SCAPER: variants seen among roughly 807,000 people sequenced by gnomAD.
SCAPER encodes the protein S phase cyclin A-associated protein in the endoplasmic reticulum.
A neutral mutation model predicts 182.2 loss-of-function variants in SCAPER; 98 were observed. The observed-to-expected ratio is 0.54, with a 90% CI of 0.46 to 0.64. The LOEUF is 0.64. SCAPER is among the 30% of genes least tolerant of loss of function. The pLI is 0.00. For missense variants in SCAPER, 1,432 were observed against 1,690.0 expected (o/e 0.85, Z 2.68); for synonymous variants, 605 against 564.6 (o/e 1.07, Z -1.01).
chr15:76,751,666 G>A (rs1278533156), intron 15 of SCAPER, among the ~76,000 whole-genome samples: 4 of 151,558 alleles, frequency 2.6e-5, no homozygotes, highest in South Asian at 2.1e-4. Flanking sequence ...GGGAAAACTC[G>A]ACAGCCACAT....
At chr15:76,871,548 G>A (rs1018266797) in intron 2 of SCAPER, among the ~76,000 whole-genome samples, 1 of 151,188 alleles carries the variant, frequency 6.6e-6, no homozygotes, top group Non-Finnish European at 1.5e-5. Flanking sequence ...AGGAGCTGCG[G>A]CTGGCGTTAT....
chr15:76,459,422 T>C (rs2048983725), intron 25 of SCAPER, among the ~76,000 whole-genome samples: 1 of 152,166 alleles, frequency 6.6e-6, no homozygotes, highest in South Asian at 2.1e-4. Context: ...GTGATTTTGA[T>C]TTGCATTCTC....
At position 76,807,514 on chromosome 15, in the gene SCAPER, AT is replaced by A. The variant is rs567528943; in HGVS notation, c.394-2882del. 2.9e-3 allele frequency among the ~76,000 whole-genome samples: 434 copies of A among 151,752 alleles called. 3 individuals carry two copies. The highest frequency in any genetic ancestry group is 0.015 in the South Asian group (73 of 4,806). ...AAATATTGCTTAACTAACATTATTT[AT>A]TTTTTTTATTTTTTATTTTTTACTT... On this transcript the variant is annotated intron_variant, in intron 5 of 31. Coordinates refer to ENST00000563290, the MANE Select transcript of SCAPER (RefSeq NM_020843.4).
intron 25 of SCAPER, among the ~76,000 whole-genome samples, chr15:76,444,162 T>C (rs2142733005): frequency 6.6e-6 from 1 of 152,344 alleles, no homozygotes; most frequent in East Asian, 1.9e-4. Context: ...AGAGTTTTGA[T>C]GGGAAATCAT....
intron 23 of SCAPER, among the ~76,000 whole-genome samples, chr15:76,515,032 A>C (rs954582219): frequency 3.9e-5 from 6 of 152,220 alleles, no homozygotes; most frequent in African/African-American, 1.4e-4. Flanking sequence ...GGGGTCAAGG[A>C]TGTTACAAGA....
At chr15:76,799,825 T>C (rs1395937551) in intron 7 of SCAPER, among the ~76,000 whole-genome samples, 6 of 152,128 alleles carry the variant, frequency 3.9e-5, no homozygotes, top group African/African-American at 1.2e-4. Context: ...TGGTAATAAA[T>C]GGAGCTCACA....
intron 15 of SCAPER, among the ~76,000 whole-genome samples, chr15:76,746,887 T>C (rs1251923308): frequency 6.6e-6 from 1 of 152,100 alleles, no homozygotes; most frequent in Non-Finnish European, 1.5e-5. Flanking sequence ...AGAAGGAAAT[T>C]CCACGTTCAT....
intron 27 of SCAPER, among the ~76,000 whole-genome samples, chr15:76,390,423 A>G (rs747674511): frequency 2.0e-5 from 3 of 152,218 alleles, no homozygotes; most frequent in Non-Finnish European, 4.4e-5. Flanking sequence ...GCCACTAAGA[A>G]GAAGAAACTC....
intron 23 of SCAPER, among the ~76,000 whole-genome samples, chr15:76,572,781 AG>A (rs1478772691): frequency 6.6e-6 from 1 of 152,138 alleles, no homozygotes; most frequent in Non-Finnish European, 1.5e-5. Flanking sequence ...CAAGTTCTCT[AG>A]GCAATTCCGA....
chr15:76,755,580 T>C (rs2062372364), intron 14 of SCAPER, among the ~76,000 whole-genome samples: 1 of 152,210 alleles, frequency 6.6e-6, no homozygotes, highest in South Asian at 2.1e-4. Flanking sequence ...GTACTTGTAG[T>C]ATGGAGCCTC....
intron 17 of SCAPER, among the ~76,000 whole-genome samples, chr15:76,722,413 C>T (rs917821460): frequency 1.8e-4 from 27 of 152,266 alleles, no homozygotes; most frequent in African/African-American, 5.8e-4. Context: ...CTCTCCTAGG[C>T]TTTGGTATCA....
intron 23 of SCAPER, among the ~76,000 whole-genome samples, chr15:76,561,484 A>T (rs544506930): frequency 3.3e-5 from 5 of 151,842 alleles, no homozygotes; most frequent in South Asian, 2.1e-4. Flanking sequence ...GATTATAAAA[A>T]TTTTTTTTTA....
chr15:76,786,954 A>G (rs1490961729), intron 8 of SCAPER, among the ~76,000 whole-genome samples: 2 of 152,226 alleles, frequency 1.3e-5, no homozygotes, highest in South Asian at 2.1e-4. Flanking sequence ...CTTGAAAATT[A>G]TAAAATGCTG....
At chr15:76,849,974 G>A (rs2070559189) in intron 4 of SCAPER, among the ~76,000 whole-genome samples, 1 of 152,118 alleles carries the variant, frequency 6.6e-6, no homozygotes, top group African/African-American at 2.4e-5. Context: ...TAGGTCTCAT[G>A]AGACTCACTC....
intron 23 of SCAPER, among the ~76,000 whole-genome samples, chr15:76,550,330 T>A (rs2144926581): frequency 6.6e-6 from 1 of 152,338 alleles, no homozygotes; most frequent in African/African-American, 2.4e-5. Flanking sequence ...ATTAGCTATT[T>A]ATCCTGATGC....
chr15:76,699,699 A>T (rs987453619), intron 20 of SCAPER, among the ~76,000 whole-genome samples: 1 of 152,138 alleles, frequency 6.6e-6, no homozygotes, highest in Non-Finnish European at 1.5e-5. Flanking sequence ...GCTGCGCTGG[A>T]GTGGCTAAGG....
intron 4 of SCAPER, among the ~76,000 whole-genome samples, chr15:76,852,365 A>G (rs2070849675): frequency 6.6e-6 from 1 of 152,202 alleles, no homozygotes; most frequent in Non-Finnish European, 1.5e-5. Flanking sequence ...GAACTCTCCA[A>G]CCAAAAACAC....
chr15:76,609,323 C>G (rs924395248), intron 22 of SCAPER, among the ~76,000 whole-genome samples: 1 of 132,914 alleles, frequency 7.5e-6, no homozygotes, highest in African/African-American at 2.8e-5. Context: ...GATCTTTTCT[C>G]TTAAAAAAAA....
intron 23 of SCAPER, among the ~76,000 whole-genome samples, chr15:76,519,131 C>T (rs989048466): frequency 6.6e-6 from 1 of 152,142 alleles, no homozygotes; most frequent in African/African-American, 2.4e-5. Flanking sequence ...AATATAAAAT[C>T]CCTTCCTATT....
Sources: gnomAD v4.1 joint callset for allele counts (sites outside exome capture counted in the v4.1 genomes callset) on GRCh38, gnomAD v4.1.1 for gene constraint, MANE v1.5 for transcripts, NCBI Gene and HGNC (gene_info 2026-07-23, HGNC 2026-07-21) for gene names.